Variants in PAPPA2 observed in about 807,000 individuals in gnomAD.
PAPPA2 encodes pappalysin-2.
Under a neutral mutation model 176.4 loss-of-function variants are expected in PAPPA2, and 86 were observed. The observed-to-expected ratio is 0.49, with a 90% CI of 0.41 to 0.58. The LOEUF is 0.58. PAPPA2 is among the 20% of genes least tolerant of loss of function. The probability of loss-of-function intolerance (pLI) is 0.00; values close to 1 mark genes in which losing one functional copy is unlikely to be tolerated. For missense variants in PAPPA2, 2,073 were observed against 2,256.9 expected, an observed-to-expected ratio of 0.92 and a Z score of 1.65; for synonymous variants, 809 against 852.2, an observed-to-expected ratio of 0.95 and a Z score of 0.88.
chr1:176,692,436 ACTGCT>A, intron 6 of PAPPA2, 118 bp downstream of exon 6: 1 of 1,033,506 alleles, frequency 9.7e-7, no homozygotes, highest in Non-Finnish European at 1.4e-6. Context: ...TGTGTGCACC[ACTGCT>A]CAGAGCTGCT....
At chr1:176,623,696 TC>T (rs61257759) in intron 3 of PAPPA2, among the ~76,000 whole-genome samples, 10 of 130,686 alleles carry the variant, frequency 7.7e-5, no homozygotes, top group African/African-American at 3.3e-4. Context: ...TCTCTCTCTT[TC>T]CTTTCTTTCT....
intron 1 of PAPPA2, among the ~76,000 whole-genome samples, chr1:176,500,131 G>C (rs1490725836): frequency 7.4e-6 from 1 of 134,728 alleles, no homozygotes; most frequent in Non-Finnish European, 1.6e-5. Context: ...AAATATGTAA[G>C]TACATAAAAA....
intron 17 of PAPPA2, among the ~76,000 whole-genome samples, chr1:176,787,382 G>A (rs1011228848): frequency 1.8e-4 from 27 of 151,824 alleles, no homozygotes; most frequent in African/African-American, 5.1e-4. Flanking sequence ...CTACAGGTGC[G>A]TGCCACTGTG....
Position 176,556,545 on chromosome 1 carries a change from G to T in PAPPA2, c.223G>T (p.Ala75Ser). Residue 75 changes from alanine to serine, a missense_variant, in exon 2 of 23, where the codon GCT becomes TCT. By Grantham distance (99) the Ala-to-Ser change is moderately conservative (BLOSUM62 1). Coordinates refer to ENST00000367662, the MANE Select transcript of PAPPA2 (RefSeq NM_020318.3). Reference protein sequence around the residue: ...HHLFGVYPSRAGNYLRPYPVG... With the variant: ...HHLFGVYPSRSGNYLRPYPVG... ...CCTCTTTGGAGTCTACCCCAGCAGG[G>T]CTGGGAACTACCTAAGGCCCTACCC... The T allele has an allele frequency of 6.2e-7, 1 of 1,614,200 alleles. No individual in the cohort carries two copies. The highest frequency in any genetic ancestry group is 2.2e-5 in the East Asian group (1 of 44,866).
At chr1:176,623,649 TTC>T (rs1281261933) in intron 3 of PAPPA2, among the ~76,000 whole-genome samples, 1 of 131,750 alleles carries the variant, frequency 7.6e-6, no homozygotes, top group African/African-American at 3.0e-5. Flanking sequence ...CTTTCTTTCT[TTC>T]TTTCTTTCTT....
At chr1:176,693,195 G>A (rs1272928061) in intron 6 of PAPPA2, among the ~76,000 whole-genome samples, 1 of 152,184 alleles carries the variant, frequency 6.6e-6, no homozygotes, top group East Asian at 1.9e-4. Context: ...TATTCTGAAT[G>A]ACGACAGTCC....
intron 2 of PAPPA2, among the ~76,000 whole-genome samples, chr1:176,588,798 G>A (rs1407413867): frequency 6.6e-6 from 1 of 152,186 alleles, no homozygotes; most frequent in Admixed American, 6.5e-5. Flanking sequence ...CCAGGGGTGT[G>A]GGCATACAGC....
At chr1:176,473,176 C>T (rs1205368938) in intron 1 of PAPPA2, among the ~76,000 whole-genome samples, 3 of 152,128 alleles carry the variant, frequency 2.0e-5, no homozygotes, top group Non-Finnish European at 4.4e-5. Context: ...TATGCTCCAC[C>T]TATTCATCCT....
rs1321658852 is a variant in PAPPA2 at position 176,842,388 on chromosome 1, A to G, written c.5310A>G (p.Pro1770=). Residue 1770 remains proline, a synonymous_variant, in exon 23 of 23, where the codon CCA becomes CCG. Coordinates refer to ENST00000367662, the MANE Select transcript of PAPPA2 (RefSeq NM_020318.3). ...SSTLSSKKVI[P]FAADCDLDEC... Reference sequence around the variant, plus strand: ...CCCTTTCATTCCCCTAGGTCATTCCATTTGCTGCTGACTGTGACCTGGATG... The same window carrying G: ...CCCTTTCATTCCCCTAGGTCATTCCGTTTGCTGCTGACTGTGACCTGGATG... The G allele has an allele frequency of 3.7e-6, 6 of 1,613,108 alleles. No homozygotes were observed. In the East Asian group the frequency reaches 1.1e-4, roughly 30 times the overall value.
At chr1:176,713,146 C>T (rs986936038) in intron 12 of PAPPA2, among the ~76,000 whole-genome samples, 13 of 151,602 alleles carry the variant, frequency 8.6e-5, no homozygotes, top group Non-Finnish European at 1.3e-4. Context: ...CATCTTTAGA[C>T]GAATTCAAGT....
intron 1 of PAPPA2, among the ~76,000 whole-genome samples, chr1:176,539,774 G>A (rs1029766612): frequency 1.3e-5 from 2 of 152,156 alleles, no homozygotes; most frequent in Admixed American, 6.5e-5. Context: ...CTTTTCCCAC[G>A]GGGAATCCAC....
chr1:176,594,686 C>A lies in PAPPA2; in HGVS notation c.1082C>A (p.Pro361Gln). 1 of 1,614,222 alleles carries A rather than the reference C, an allele frequency of 6.2e-7. No individual in the cohort carries two copies. Among genetic ancestry groups the A allele is most frequent in the Non-Finnish European group, 8.5e-7 (1 of 1,180,044 alleles). The change falls in exon 3 of 23, where the codon CCA becomes CAA. Residue 361 changes from proline to glutamine, a missense_variant. This residue lies in a region of PAPPA2 where 1,196 missense variants were observed against 1,330.4 expected (regional missense o/e 0.90). Coordinates refer to ENST00000367662, the MANE Select transcript of PAPPA2 (RefSeq NM_020318.3). ...TTGATTAGCCACAGTCGCTACCAAC[C>A]AGGCACATGGACCCATGTGGCAGCC... ...TILISHSRYQ[P>Q]GTWTHVAATY...
At chr1:176,537,334 G>A (rs914177632) in intron 1 of PAPPA2, 3 of 152,228 alleles carry the variant, frequency 2.0e-5, no homozygotes, top group Admixed American at 1.3e-4. Context: ...CAAGGCTCAC[G>A]TGTTAGAAAG....
rs117318702 is a variant in PAPPA2, at chr1:176,821,880, C to T, written c.5203-18293C>T. On this transcript the variant is annotated intron_variant, in intron 21 of 22. Transcript: ENST00000367662. The stretch of plus-strand genomic sequence containing the variant: ...ATATCTACTAGTCAGCCTTTGCAGT[C>T]GCAAGCATTCGTTAAACACATTCAC... Among the ~76,000 whole-genome samples, 30 of 152,286 alleles carry T rather than the reference C, an allele frequency of 2.0e-4. 1 individual carries two copies. The East Asian group carries it at 2.1e-3, about 11-fold the overall frequency.
chr1:176,484,627 C>T (rs1652567103), intron 1 of PAPPA2, among the ~76,000 whole-genome samples: 1 of 152,180 alleles, frequency 6.6e-6, no homozygotes, highest in Non-Finnish European at 1.5e-5. Context: ...CATGTCTAGT[C>T]TACTGTTAAG....
intron 2 of PAPPA2, among the ~76,000 whole-genome samples, chr1:176,586,398 G>A (rs949116512): frequency 3.9e-5 from 6 of 152,160 alleles, no homozygotes; most frequent in Non-Finnish European, 5.9e-5. Context: ...GTATGCCATG[G>A]TGGTTTCCTG....
intron 12 of PAPPA2, among the ~76,000 whole-genome samples, chr1:176,736,512 G>T (rs1662422898): frequency 6.9e-6 from 1 of 145,408 alleles, no homozygotes; most frequent in African/African-American, 2.5e-5. Context: ...TTTTATGTAT[G>T]TTAAAATGTA....
intron 3 of PAPPA2, among the ~76,000 whole-genome samples, chr1:176,655,814 C>T (rs1050464609): frequency 4.0e-5 from 6 of 151,650 alleles, no homozygotes; most frequent in Admixed American, 2.0e-4. Context: ...AAAATTACAC[C>T]GGTCCCCATA....
chr1:176,733,426 G>A (rs1662252064), intron 12 of PAPPA2, among the ~76,000 whole-genome samples: 1 of 152,138 alleles, frequency 6.6e-6, no homozygotes, highest in African/African-American at 2.4e-5. Flanking sequence ...TGCGCTGACA[G>A]AGGAGCTCCA....
Sources: gnomAD v4.1 joint callset for allele counts (sites outside exome capture counted in the v4.1 genomes callset) on GRCh38, gnomAD v4.1.1 for gene constraint, gnomAD v4.1.1 regional missense constraint, MANE v1.5 for transcripts, NCBI Gene and HGNC (gene_info 2026-07-23, HGNC 2026-07-21) for gene names.